The following SYT14 variants were observed in gnomAD, a reference collection of about 807,000 sequenced individuals.
The protein encoded by SYT14 is synaptotagmin-14.
SYT14 carries 32 observed loss-of-function variants against 74.2 expected under a neutral mutation model. The ratio of observed to expected loss-of-function variants is 0.43; its 90% CI spans 0.33 to 0.58. SYT14 has a LOEUF of 0.58. SYT14 is among the 20% of genes least tolerant of loss of function. SYT14 has a pLI of 0.05. For missense variants in SYT14, 791 were observed against 981.8 expected, an observed-to-expected ratio of 0.81 and a Z score of 2.60; for synonymous variants, 298 against 337.7, an observed-to-expected ratio of 0.88 and a Z score of 1.29.
At chr1:209,993,780 C>T (rs1461429038) in intron 2 of SYT14, among the ~76,000 whole-genome samples, 2 of 152,126 alleles carry the variant, frequency 1.3e-5, no homozygotes, top group South Asian at 2.1e-4. Flanking sequence ...CCTGACTTCC[C>T]CACTGCAGTG....
In SYT14 at chr1:210,078,268, C is replaced by A. The variant is rs942083658; in HGVS notation, c.1313-16054C>A. 5.7e-5 allele frequency among the ~76,000 whole-genome samples: 8 copies of A among 140,184 alleles called. No individual in the cohort carries two copies. The South Asian group carries it at 1.9e-3, about 32-fold the overall frequency. 92.0% of individuals were successfully genotyped at this position (140,184 alleles called of 152,430 possible). ...GAGCTTGCAGTGAGCTGAGATCACG[C>A]CACTGCACTCCAGCCTGGGCGACAG... On this transcript the variant is annotated intron_variant, in intron 5 of 9. Coordinates refer to ENST00000637265, the Ensembl canonical transcript of SYT14.
At chr1:210,078,038 C>T (rs567974565) in intron 5 of SYT14, among the ~76,000 whole-genome samples, 8 of 152,204 alleles carry the variant, frequency 5.3e-5, no homozygotes, top group South Asian at 4.1e-4. Context: ...AGGCCGGGCG[C>T]GGTGGCTCAC....
intron 7 of SYT14, among the ~76,000 whole-genome samples, chr1:210,103,549 C>CAA (rs11430691): frequency 0.013 from 1,097 of 86,972 alleles, 50 homozygotes; most frequent in African/African-American, 0.019. Flanking sequence ...GACTCTGTCT[C>CAA]AAAAAAAAAA....
At chr1:210,092,368 G>C (rs1195847033) in intron 5 of SYT14, among the ~76,000 whole-genome samples, 1 of 152,116 alleles carries the variant, frequency 6.6e-6, no homozygotes, top group Non-Finnish European at 1.5e-5. Flanking sequence ...GGGACAAAGG[G>C]GCATGCCAGT....
intron 1 of SYT14, among the ~76,000 whole-genome samples, chr1:209,950,649 G>T (rs576082477): frequency 6.6e-6 from 1 of 152,162 alleles, no homozygotes; most frequent in African/African-American, 2.4e-5. Flanking sequence ...TCAGAATGAA[G>T]ATCTAACCTA....
At chr1:210,092,569 A>T (rs2081894793) in intron 5 of SYT14, among the ~76,000 whole-genome samples, 1 of 152,196 alleles carries the variant, frequency 6.6e-6, no homozygotes, top group Non-Finnish European at 1.5e-5. Context: ...GGATCAAGCC[A>T]ATTAACTGCC....
chr1:209,966,154 G>A (rs2079154675), intron 2 of SYT14: 4 of 300,738 alleles, frequency 1.3e-5, no homozygotes, highest in Non-Finnish European at 2.6e-5. Flanking sequence ...ACAGGCATGA[G>A]CCACCGCGCC....
chr1:210,027,204 T>C (rs1394262878), intron 5 of SYT14, among the ~76,000 whole-genome samples: 3 of 152,088 alleles, frequency 2.0e-5, no homozygotes, highest in Admixed American at 6.6e-5. Context: ...TTAAGAAAAT[T>C]ATAAGGGGAC....
At chr1:210,094,400 C>A (rs1352355089) in exon 6 of SYT14, 1 of 1,613,936 alleles carries the variant, frequency 6.2e-7, no homozygotes, top group Admixed American at 1.7e-5. Context: ...GACAGTGGTT[C>A]TCCCCATCTG....
chr1:209,948,080 C>T (rs989840186), intron 1 of SYT14, among the ~76,000 whole-genome samples: 22 of 152,188 alleles, frequency 1.4e-4, no homozygotes, highest in African/African-American at 5.3e-4. Context: ...TTTGTATGCA[C>T]TGGGAATCCA....
chr1:210,159,409 C>T lies in SYT14; in HGVS notation c.2225-12C>T. The T allele has an allele frequency of 6.4e-7, 1 of 1,551,276 alleles. No homozygotes were observed. Among genetic ancestry groups the T allele is most frequent in the Non-Finnish European group, 8.7e-7 (1 of 1,146,696 alleles). ...ATTATTTCTTTTACTGCTTTCCACC[C>T]CCTGTTGTCAGATGGACTGTTCTGT... On this transcript the variant is annotated splice_polypyrimidine_tract_variant and intron_variant, in intron 8 of 9. Coordinates refer to ENST00000637265, the Ensembl canonical transcript of SYT14.
chr1:210,156,909 G>A, intron 8 of SYT14: 1 of 386,428 alleles, frequency 2.6e-6, no homozygotes, highest in South Asian at 1.9e-5. Flanking sequence ...GATCAAGCTG[G>A]TCGCAAGCTC....
intron 7 of SYT14, among the ~76,000 whole-genome samples, chr1:210,132,536 A>G (rs11119414): frequency 0.43 from 65,230 of 150,724 alleles, 16,568 homozygotes; most frequent in Non-Finnish European, 0.57. Flanking sequence ...CAGTCCCTCT[A>G]TAAAGTCTAA....
intron 1 of SYT14, among the ~76,000 whole-genome samples, chr1:209,943,731 A>C (rs2078776226): frequency 6.6e-6 from 1 of 152,024 alleles, no homozygotes; most frequent in African/African-American, 2.4e-5. Flanking sequence ...AGCTGACTTT[A>C]TTCTTTTATT....
intron 2 of SYT14, among the ~76,000 whole-genome samples, chr1:209,977,068 C>T (rs1324876009): frequency 6.6e-6 from 1 of 152,126 alleles, no homozygotes; most frequent in Non-Finnish European, 1.5e-5. Context: ...GGTGGATCTT[C>T]CTCCATCCCT....
chr1:210,002,677 G>GT (rs1409750584), intron 2 of SYT14, among the ~76,000 whole-genome samples: 2 of 151,976 alleles, frequency 1.3e-5, no homozygotes, highest in African/African-American at 4.8e-5. Flanking sequence ...GTAATTTGAA[G>GT]TTTTCTGATA....
intron 5 of SYT14, among the ~76,000 whole-genome samples, chr1:210,073,314 A>C (rs1005242616): frequency 2.3e-4 from 35 of 152,172 alleles, no homozygotes; most frequent in African/African-American, 8.4e-4. Flanking sequence ...AAAGCATTTT[A>C]GCTGAATTAC....
rs184123974 is a variant in SYT14 at position 210,029,662 on chromosome 1, G to A, written c.1312+8408G>A. ...GTACAACAGTGTTTTGATTACTGTA[G>A]CTTTATAGTACATTTTGAAATCAAG... is the stretch of plus-strand genomic sequence containing the variant. On this transcript the variant is annotated intron_variant, in intron 5 of 9. Coordinates refer to ENST00000637265, the Ensembl canonical transcript of SYT14. Among the ~76,000 whole-genome samples the A allele has an allele frequency of 1.8e-4, 27 of 152,218 alleles. No individual in the cohort carries two copies. In the East Asian group the frequency reaches 5.2e-3, roughly 29 times the overall value.
In SYT14 at chr1:210,086,251, A is replaced by G. The variant is rs148256755; in HGVS notation, c.1313-8071A>G. 2.6e-5 allele frequency among the ~76,000 whole-genome samples: 4 copies of G among 152,300 alleles called. No homozygotes were observed. In the East Asian group the frequency reaches 7.7e-4, roughly 29 times the overall value. On this transcript the variant is annotated intron_variant, in intron 5 of 9. Coordinates refer to ENST00000637265, the Ensembl canonical transcript of SYT14. ...TCTCTAGTTTAAGCTGGTATCTACC[A>G]GGTTTCTCCACTGTAAAGGTACCCT...
Sources: gnomAD v4.1 joint callset for allele counts (sites outside exome capture counted in the v4.1 genomes callset) on GRCh38, gnomAD v4.1.1 for gene constraint, MANE v1.5 for transcripts, NCBI Gene and HGNC (gene_info 2026-07-23, HGNC 2026-07-21) for gene names.